CFAP54: variants seen among roughly 807,000 people sequenced by gnomAD.
CFAP54 encodes cilia and flagella associated protein 54.
In CFAP54, 290 loss-of-function variants were observed where a neutral mutation model predicts 370.4. The ratio of observed to expected loss-of-function variants is 0.78; its 90% CI spans 0.71 to 0.86. The LOEUF (loss-of-function observed/expected upper bound fraction) is 0.86. CFAP54 is among the 40% of genes least tolerant of loss of function. The pLI, the probability that CFAP54 is intolerant of heterozygous loss-of-function variation, is 0.00. For missense variants in CFAP54, 3,399 were observed against 3,528.7 expected (o/e 0.96, Z 0.93); for synonymous variants, 1,206 against 1,236.5 (o/e 0.98, Z 0.52).
At chr12:96,756,615 G>A (rs764614250) in intron 57 of CFAP54, 52 bp downstream of exon 57, 2 of 1,225,722 alleles carry the variant, frequency 1.6e-6, no homozygotes, top group African/African-American at 1.5e-5. Flanking sequence ...TGAGCCCCGT[G>A]TTCTTGTAGT....
rs558673753 is a variant in CFAP54, at chr12:96,500,939, A to G, written c.423A>G (p.Lys141=). 1.0e-3 allele frequency: 1,528 copies of G among 1,525,228 alleles called. No individual in the cohort carries two copies. The highest frequency in any genetic ancestry group is 1.1e-3 in the Non-Finnish European group (1,301 of 1,137,562). 94.5% of individuals were successfully genotyped at this position (1,525,228 alleles called of 1,614,324 possible). ...LKVGDSLCQM[K]EYKLALLQCY... The stretch of plus-strand genomic sequence containing the variant: ...TTGGAGATAGCCTTTGTCAAATGAA[A>G]GTAAGTGCCTCTGCAGGAAAGAGCC... Residue 141 remains lysine (K), a splice_region_variant and synonymous_variant, in exon 2 of 68, where the codon AAA becomes AAG. Transcript: ENST00000524981.
At chr12:96,837,718 G>A (rs760340110) in intron 66 of CFAP54, among the ~76,000 whole-genome samples, 4 of 152,136 alleles carry the variant, frequency 2.6e-5, no homozygotes, top group Admixed American at 6.5e-5. Flanking sequence ...CAGTGATTTC[G>A]AGGCCATTGA....
intron 60 of CFAP54, among the ~76,000 whole-genome samples, chr12:96,777,211 C>T (rs1167117887): frequency 2.2e-4 from 34 of 152,152 alleles, no homozygotes; most frequent in Admixed American, 2.2e-3. Context: ...TTCCTGGAGA[C>T]AGCCATTGCA....
In CFAP54 at chr12:96,765,198, C is replaced by T. The variant is rs568368996; in HGVS notation, c.8261C>T (p.Ser2754Leu). 39 of 1,522,280 alleles carry T rather than the reference C, an allele frequency of 2.6e-5. No individual in the cohort carries two copies. Among genetic ancestry groups the T allele is most frequent in the South Asian group, 6.7e-5 (5 of 74,484 alleles). The allele number at this position is 1,522,280 out of a possible 1,614,324, so 94.3% of individuals were successfully genotyped here. A position where few individuals can be genotyped will look rare whatever the true frequency, so the allele number is the denominator to read the frequency against. ...TTTGCTGCTCTGGATCTTTTGTCTT[C>T]GTATACAGATTATTTGCTTGGTATG... ...PEFAALDLLS[S>L]YTDYLLDNYQ... Residue 2754 changes from serine (S) to leucine (L), a missense_variant, in exon 60 of 68, where the codon TCG (serine) becomes TTG (leucine). Transcript: ENST00000524981.
intron 26 of CFAP54, among the ~76,000 whole-genome samples, chr12:96,602,996 G>A (rs1031486157): frequency 1.8e-4 from 27 of 152,082 alleles, no homozygotes; most frequent in South Asian, 4.2e-4. Context: ...TGATCATGTC[G>A]TTACAATGCT....
In CFAP54 at chr12:96,666,311, A is replaced by G. The variant is rs557076894; in HGVS notation, c.5563+2379A>G. The stretch of plus-strand genomic sequence containing the variant: ...TATAGATTATTCTATTAGTTTTACT[A>G]TGGTTAAGTTGTAGACCTTTTAACT... On this transcript the variant is annotated intron_variant, in intron 39 of 67. Coordinates refer to ENST00000524981, the MANE Select transcript of CFAP54 (RefSeq NM_001306084.2). Among the ~76,000 whole-genome samples, 8 of 152,302 alleles carry G rather than the reference A, an allele frequency of 5.3e-5. No homozygotes were observed. In the South Asian group the frequency reaches 1.5e-3, roughly 28 times the overall value.
intron 63 of CFAP54, among the ~76,000 whole-genome samples, chr12:96,797,248 AGTGTTAATT>A (rs778288666): frequency 3.1e-4 from 47 of 152,124 alleles, no homozygotes; most frequent in Admixed American, 9.2e-4. Context: ...TCACCAGGAA[AGTGTTAATT>A]GTGTAAGTAA....
chr12:96,644,265 G>C lies in CFAP54; in HGVS notation c.4404G>C (p.Lys1468Asn). The C allele has an allele frequency of 6.5e-7, 1 of 1,535,858 alleles. No homozygotes were observed. The highest frequency in any genetic ancestry group is 8.7e-7 in the Non-Finnish European group (1 of 1,146,710). ...TAATATTAAGTTATGTTAAAAGAAA[G>C]AGGTTCCATCGTCTATCACTTGAAG... The part of the protein sequence containing the change: ...NPLILSYVKR[K>N]RFHRLSLEEM... The change falls in exon 33 of 68, where the codon AAG (lysine) becomes AAC (asparagine). Residue 1468 changes from lysine to asparagine, a missense_variant. Physicochemically the swap from Lys to Asn is moderately conservative, Grantham distance 94. Around this residue, in one of 3 missense-constraint regions of CFAP54, gnomAD observed 2,796 missense variants for 2,869.7 expected, o/e 0.97. Transcript: ENST00000524981.
chr12:96,657,930 A>G lies in CFAP54; in HGVS notation c.5149A>G (p.Ile1717Val). 6.2e-7 allele frequency: 1 copy of G among 1,613,880 alleles called. No homozygotes were observed. The highest frequency in any genetic ancestry group is 8.5e-7 in the Non-Finnish European group (1 of 1,179,892). ...CAGTGTTCCAAGCTGTTATGGGAATATTAAAAATGACAACGGTGGTTCTAG... is the reference window on the plus strand; with the variant it reads ...CAGTGTTCCAAGCTGTTATGGGAATGTTAAAAATGACAACGGTGGTTCTAG... Reference protein sequence around the residue: ...EFSVPSCYGNIKNDNGGSSLT... With the variant: ...EFSVPSCYGNVKNDNGGSSLT... Residue 1717 changes from isoleucine to valine, a missense_variant, in exon 37 of 68, where the codon ATT becomes GTT. Physicochemically the swap from Ile to Val is conservative, Grantham distance 29 (BLOSUM62 3). This residue lies in a region of CFAP54 where 2,796 missense variants were observed against 2,869.7 expected (regional missense o/e 0.97). Coordinates refer to ENST00000524981, the MANE Select transcript of CFAP54 (RefSeq NM_001306084.2).
Position 96,720,522 on chromosome 12 carries a change from C to T in CFAP54, c.6922C>T (p.Gln2308Ter). The change falls in exon 50 of 68, where the codon CAG becomes TAG. Residue 2308 changes from glutamine to a stop codon, truncating the protein, a stop_gained. Transcript: ENST00000524981. LOFTEE classifies it high-confidence loss of function. Reference sequence around the variant, plus strand: ...GGAGATTGTGGTGGAGGCCCGGCTTCAGCTGGCTGCAGTTGCTCTGCAGAG... The same window carrying T: ...GGAGATTGTGGTGGAGGCCCGGCTTTAGCTGGCTGCAGTTGCTCTGCAGAG... Reference protein sequence around the residue: ...ELEIVVEARLQLAAVALQRHR... With the variant: ...ELEIVVEARL The T allele has an allele frequency of 6.3e-7, 1 of 1,587,524 alleles. No individual in the cohort carries two copies. Among genetic ancestry groups the T allele is most frequent in the Non-Finnish European group, 8.6e-7 (1 of 1,164,114 alleles).
At chr12:96,526,720 A>G (rs1471880445) in intron 8 of CFAP54, among the ~76,000 whole-genome samples, 1 of 152,182 alleles carries the variant, frequency 6.6e-6, no homozygotes, top group Non-Finnish European at 1.5e-5. Context: ...AAACACAAGC[A>G]TATGAAGAAA....
chr12:96,609,286 G>C (rs954415895), intron 26 of CFAP54, among the ~76,000 whole-genome samples: 9 of 152,124 alleles, frequency 5.9e-5, no homozygotes. Context: ...TAAAAATTGA[G>C]TCTGAATTAA....
At chr12:96,804,236 G>T (rs1958852909) in intron 63 of CFAP54, among the ~76,000 whole-genome samples, 2 of 152,048 alleles carry the variant, frequency 1.3e-5, no homozygotes, top group Admixed American at 1.3e-4. Flanking sequence ...AACAAGGAAA[G>T]GATGCCCATT....
At chr12:96,775,051 T>C (rs1958502338) in intron 60 of CFAP54, among the ~76,000 whole-genome samples, 3 of 152,234 alleles carry the variant, frequency 2.0e-5, no homozygotes, top group Admixed American at 2.0e-4. Context: ...TTATGGTCTC[T>C]GCTGAACCTA....
At chr12:96,620,826 A>G (rs1956479027) in intron 26 of CFAP54, among the ~76,000 whole-genome samples, 1 of 152,248 alleles carries the variant, frequency 6.6e-6, no homozygotes, top group Admixed American at 6.5e-5. Flanking sequence ...AACAAGGTGC[A>G]GACAGCTGTT....
chr12:96,534,041 TG>T lies in CFAP54; in HGVS notation c.1540-20del. On this transcript the variant is annotated intron_variant, in intron 10 of 67. Coordinates refer to ENST00000524981, the MANE Select transcript of CFAP54 (RefSeq NM_001306084.2). ...AATGACATCCAATTACTAATTAACG[TG>T]TGGGATATACTTCCCCAAGAGGCAG... The T allele has an allele frequency of 6.6e-7, 1 of 1,506,602 alleles. No homozygotes were observed. Among genetic ancestry groups the T allele is most frequent in the East Asian group, 2.5e-5 (1 of 40,624 alleles). The allele number at this position is 1,506,602 out of a possible 1,614,324, so 93.3% of individuals were successfully genotyped here.
intron 13 of CFAP54, 64 bp downstream of exon 13, chr12:96,538,582 C>T: frequency 1.4e-6 from 2 of 1,476,752 alleles, no homozygotes; most frequent in Non-Finnish European, 9.1e-7. Context: ...TTGCCACACA[C>T]ATTTCAAATC....
At chr12:96,517,712 C>A (rs1272729526) in intron 5 of CFAP54, among the ~76,000 whole-genome samples, 2 of 152,208 alleles carry the variant, frequency 1.3e-5, no homozygotes, top group Non-Finnish European at 2.9e-5. Context: ...ACAGTGTCCA[C>A]AACCAGGGAC....
chr12:96,622,891 T>A (rs1956515089), intron 27 of CFAP54, among the ~76,000 whole-genome samples: 1 of 152,194 alleles, frequency 6.6e-6, no homozygotes, highest in Non-Finnish European at 1.5e-5. Flanking sequence ...GAAGGATGTT[T>A]TGTCTAGAGG....
Sources: gnomAD v4.1 joint callset for allele counts (sites outside exome capture counted in the v4.1 genomes callset) on GRCh38, gnomAD v4.1.1 for gene constraint, gnomAD v4.1.1 regional missense constraint, MANE v1.5 for transcripts, NCBI Gene and HGNC (gene_info 2026-07-23, HGNC 2026-07-21) for gene names.